GYPE: variants seen among roughly 807,000 people sequenced by gnomAD.
The protein encoded by GYPE is glycophorin-E.
In GYPE, 8 loss-of-function variants were observed where a neutral mutation model predicts 11.6. The ratio of observed to expected loss-of-function variants is 0.69; its 90% CI spans 0.41 to 1.25. The LOEUF (loss-of-function observed/expected upper bound fraction) is 1.25. GYPE is among the 50% of genes most tolerant of loss of function. The pLI is 0.01. For synonymous variants in GYPE, 28 were observed against 29.6 expected (o/e 0.94, Z 0.18); for missense variants, 90 against 92.8 (o/e 0.97, Z 0.12).
At chr4:143,874,969 T>C (rs933632591) in intron 3 of GYPE, among the ~76,000 whole-genome samples, 1 of 152,184 alleles carries the variant, frequency 6.6e-6, no homozygotes, top group African/African-American at 2.4e-5. Flanking sequence ...CTATCAAGAA[T>C]CTGGTTTTTG....
At chr4:143,877,917 G>A (rs1455059527) in intron 2 of GYPE, among the ~76,000 whole-genome samples, 2 of 147,582 alleles carry the variant, frequency 1.4e-5, no homozygotes, top group Non-Finnish European at 3.0e-5. Flanking sequence ...TCAAGGCTGA[G>A]ATTTACCCTT....
Position 143,905,553 on chromosome 4 carries a change from C to G in GYPE, c.-46G>C. 5.6e-6 allele frequency: 9 copies of G among 1,612,402 alleles called. No individual in the cohort carries two copies. The highest frequency in any genetic ancestry group is 7.6e-6 in the Non-Finnish European group (9 of 1,178,860). ...CCTGAAGTTAGTGCAAAAAAACTAC[C>G]AAAGACAACTGCAAGTGTCAGTGTC... On this transcript the variant is annotated 5_prime_UTR_variant, in exon 1 of 4. Coordinates refer to ENST00000358615, the MANE Select transcript of GYPE (RefSeq NM_198682.3).
At chr4:143,896,796 G>A (rs1392779885) in intron 1 of GYPE, among the ~76,000 whole-genome samples, 4 of 152,146 alleles carry the variant, frequency 2.6e-5, no homozygotes, top group African/African-American at 9.7e-5. Context: ...AGAAAATGTG[G>A]CACATATACA....
intron 1 of GYPE, among the ~76,000 whole-genome samples, chr4:143,881,806 T>G (rs377311833): frequency 7.2e-5 from 11 of 152,316 alleles, no homozygotes; most frequent in East Asian, 1.9e-4. Context: ...CTCATCTCTT[T>G]GAGATATTCA....
At chr4:143,896,784 T>C (rs570587987) in intron 1 of GYPE, among the ~76,000 whole-genome samples, 1 of 152,122 alleles carries the variant, frequency 6.6e-6, no homozygotes, top group Non-Finnish European at 1.5e-5. Context: ...TAGACTGGAT[T>C]AAGAAAATGT....
rs995547621 is a variant in GYPE, at chr4:143,871,163, A to C, written c.*1099T>G. On this transcript the variant is annotated 3_prime_UTR_variant, in exon 4 of 4. Transcript: ENST00000358615. ...ATTATTGGAACTACAATTCAAGATG[A>C]GATTTGAGTGGGAACACAGCCAAAC... The C allele has an allele frequency of 3.3e-5, 5 of 151,724 alleles. No individual in the cohort carries two copies. The highest frequency in any genetic ancestry group is 4.9e-5 in the African/African-American group (2 of 41,054). 9.4% of individuals were successfully genotyped at this position (151,724 alleles called of 1,614,324 possible).
chr4:143,895,423 C>T (rs373596742), intron 1 of GYPE, among the ~76,000 whole-genome samples: 1 of 151,632 alleles, frequency 6.6e-6, no homozygotes, highest in Non-Finnish European at 1.5e-5. Context: ...CAAAGAGAAT[C>T]AAATACCTAG....
At chr4:143,900,014 C>T (rs1307160116) in intron 1 of GYPE, among the ~76,000 whole-genome samples, 2 of 128,478 alleles carry the variant, frequency 1.6e-5, no homozygotes, top group African/African-American at 5.6e-5. Flanking sequence ...CAAAAATCTA[C>T]AGAATGAAGG....
At chr4:143,902,930 G>A (rs1744922995) in intron 1 of GYPE, among the ~76,000 whole-genome samples, 1 of 151,924 alleles carries the variant, frequency 6.6e-6, no homozygotes, top group South Asian at 2.1e-4. Flanking sequence ...TTGGTTCTTA[G>A]CTTCAGAATC....
chr4:143,876,624 G>T (rs921272764), intron 3 of GYPE, 122 bp downstream of exon 3: 12 of 635,588 alleles, frequency 1.9e-5, no homozygotes, highest in African/African-American at 3.7e-5. Flanking sequence ...GTGTCCAGTT[G>T]AAAAAGATGG....
At chr4:143,880,135 C>T (rs1483630901) in intron 2 of GYPE, among the ~76,000 whole-genome samples, 3 of 152,190 alleles carry the variant, frequency 2.0e-5, no homozygotes, top group African/African-American at 7.2e-5. Context: ...TATTAGGTCC[C>T]CTTTATCTGG....
rs547179985 is a variant in GYPE, at chr4:143,880,406, C to T, written c.136+5G>A. Reference sequence around the variant, plus strand: ...CACAATTTAAAAATAAAAATGAAAACAAACCATTTGTCTGTGATGAGATGT... The same window carrying T: ...CACAATTTAAAAATAAAAATGAAAATAAACCATTTGTCTGTGATGAGATGT... On this transcript the variant is annotated splice_donor_5th_base_variant and intron_variant, in intron 2 of 3. Transcript: ENST00000358615. The T allele has an allele frequency of 6.2e-7, 1 of 1,613,898 alleles. No homozygotes were observed. The highest frequency in any genetic ancestry group is 2.2e-5 in the East Asian group (1 of 44,880).
intron 3 of GYPE, among the ~76,000 whole-genome samples, chr4:143,873,087 G>A (rs1218066353): frequency 6.6e-6 from 1 of 152,180 alleles, no homozygotes; most frequent in Non-Finnish European, 1.5e-5. Context: ...AGGGAGACAA[G>A]CTGTGGGGCT....
chr4:143,895,676 C>G (rs1220285461), intron 1 of GYPE, among the ~76,000 whole-genome samples: 1 of 136,278 alleles, frequency 7.3e-6, no homozygotes, highest in Non-Finnish European at 1.6e-5. Flanking sequence ...CATATGGAAC[C>G]AAAAAAGAGC....
At chr4:143,878,434 C>A (rs534022888) in intron 2 of GYPE, among the ~76,000 whole-genome samples, 1 of 152,252 alleles carries the variant, frequency 6.6e-6, no homozygotes, top group Non-Finnish European at 1.5e-5. Flanking sequence ...CTGCCCCTGG[C>A]CCCCAAAATG....
At chr4:143,905,151 TCAAA>T (rs945055992) in intron 1 of GYPE, among the ~76,000 whole-genome samples, 1 of 152,204 alleles carries the variant, frequency 6.6e-6, no homozygotes. Context: ...TCCTTATAAC[TCAAA>T]CAAAGCAATA....
Position 143,905,559 on chromosome 4 carries a change from C to G in GYPE, c.-52G>C, listed in dbSNP as rs1375532985. On this transcript the variant is annotated 5_prime_UTR_variant, in exon 1 of 4. Coordinates refer to ENST00000358615, the MANE Select transcript of GYPE (RefSeq NM_198682.3). The stretch of plus-strand genomic sequence containing the variant: ...GTTAGTGCAAAAAAACTACCAAAGA[C>G]AACTGCAAGTGTCAGTGTCTGGCCT... 6.2e-7 allele frequency: 1 copy of G among 1,612,242 alleles called. No individual in the cohort carries two copies. Among genetic ancestry groups the G allele is most frequent in the Non-Finnish European group, 8.5e-7 (1 of 1,178,748 alleles).
chr4:143,895,561 C>T (rs1239057703), intron 1 of GYPE, among the ~76,000 whole-genome samples: 3 of 149,446 alleles, frequency 2.0e-5, no homozygotes, highest in Non-Finnish European at 3.0e-5. Context: ...GAATCAATAT[C>T]GTGAAAATGG....
intron 1 of GYPE, among the ~76,000 whole-genome samples, chr4:143,896,092 A>C (rs1471383867): frequency 7.1e-4 from 108 of 151,802 alleles, no homozygotes; most frequent in African/African-American, 2.5e-3. Flanking sequence ...AGGACATAGG[A>C]ATGGGCAAGG....
Sources: allele counts gnomAD v4.1 joint callset (sites outside exome capture counted in the v4.1 genomes callset), GRCh38; gene constraint gnomAD v4.1.1; transcripts MANE v1.5; gene names NCBI Gene and HGNC (gene_info 2026-07-23, HGNC 2026-07-21).